ZNRF1: variants seen among roughly 807,000 people sequenced by gnomAD.
ZNRF1 encodes the protein zinc and ring finger 1, also known as E3 ubiquitin-protein ligase ZNRF1.
A neutral mutation model predicts 18.4 loss-of-function variants in ZNRF1; 3 were observed. That is an observed-to-expected ratio of 0.16 (90% CI 0.07 to 0.42). The LOEUF is 0.42. ZNRF1 is among the 10% of genes least tolerant of loss of function. The pLI is 0.99. For missense variants in ZNRF1, 310 were observed against 329.8 expected, an observed-to-expected ratio of 0.94 and a Z score of 0.47; for synonymous variants, 157 against 144.2, an observed-to-expected ratio of 1.09 and a Z score of -0.64.
chr16:75,000,762 C>G (rs993641978), intron 1 of ZNRF1, among the ~76,000 whole-genome samples: 3 of 152,210 alleles, frequency 2.0e-5, no homozygotes, highest in Admixed American at 6.5e-5. Context: ...AGGCTTGGCT[C>G]CGCGACTCTC....
intron 1 of ZNRF1, among the ~76,000 whole-genome samples, chr16:75,046,345 G>T (rs1489775821): frequency 6.6e-6 from 1 of 151,940 alleles, no homozygotes; most frequent in African/African-American, 2.4e-5. Flanking sequence ...TCTGCCTCCT[G>T]GGTTCAAGTG....
In ZNRF1 at chr16:74,999,042, A is replaced by T. The variant is rs1451720423; in HGVS notation, c.-630A>T. The T allele has an allele frequency of 6.6e-6, 1 of 150,604 alleles. No individual in the cohort carries two copies. Among genetic ancestry groups the T allele is most frequent in the African/African-American group, 2.4e-5 (1 of 41,130 alleles). The allele number at this position is 150,604 out of a possible 1,614,324, so 9.3% of individuals were successfully genotyped here. Reference sequence around the variant, plus strand: ...GCCCTCCATTGTCTCCACGGCGGCGAGGAGCGCCGGCGAGCGCAGCCCGGG... The same window carrying T: ...GCCCTCCATTGTCTCCACGGCGGCGTGGAGCGCCGGCGAGCGCAGCCCGGG... On this transcript the variant is annotated 5_prime_UTR_variant, in exon 1 of 5. Transcript: ENST00000335325.
chr16:75,086,688 C>G (rs754423781), intron 1 of ZNRF1, among the ~76,000 whole-genome samples: 8 of 152,204 alleles, frequency 5.3e-5, no homozygotes, highest in Non-Finnish European at 1.2e-4. Flanking sequence ...TTTATTGACA[C>G]TAAGCACCAT....
rs1334552920 is a variant in ZNRF1, at chr16:75,010,701, G to GTTTTT, written c.424+10611_424+10615dup. 5.1e-3 allele frequency among the ~76,000 whole-genome samples: 325 copies of GTTTTT among 63,730 alleles called. 4 individuals are homozygous for GTTTTT. The highest frequency in any genetic ancestry group is 0.026 in the Middle Eastern group (2 of 78). The allele number at this position is 63,730 out of a possible 152,430, so 41.8% of individuals were successfully genotyped here. ...AAATTAGTCACCTCTGTACTGTACT[G>GTTTTT]TTTTTTTTTGTTTTTTTGTTTTTTT... On this transcript the variant is annotated intron_variant, in intron 1 of 4. Transcript: ENST00000335325.
At chr16:75,106,047 TGTGGCACCCAGAGCC>T (rs1869816420) in intron 3 of ZNRF1, 1 of 169,648 alleles carries the variant, frequency 5.9e-6, no homozygotes, top group Non-Finnish European at 1.3e-5. Context: ...CTTTCAGGAC[TGTGGCACCCAGAGCC>T]GTGGCCCTCC....
rs2036340834 is a variant in ZNRF1, at chr16:75,108,272, T to G, written c.*572T>G. On this transcript the variant is annotated 3_prime_UTR_variant, in exon 5 of 5. Coordinates refer to ENST00000335325, the MANE Select transcript of ZNRF1 (RefSeq NM_032268.5). ...CTGGTTTTTTGCTCTTTTCTCCCCTTGAGACCCTAATATCTTGACTTCATT... is the reference window on the plus strand; with the variant it reads ...CTGGTTTTTTGCTCTTTTCTCCCCTGGAGACCCTAATATCTTGACTTCATT... 13 of 271,790 alleles carry G rather than the reference T, an allele frequency of 4.8e-5. No individual in the cohort carries two copies. Among genetic ancestry groups the G allele is most frequent in the East Asian group, 6.8e-5 (1 of 14,636 alleles). The allele number at this position is 271,790 out of a possible 1,614,324, so 16.8% of individuals were successfully genotyped here.
chr16:75,056,557 A>G (rs1429945196), intron 1 of ZNRF1, among the ~76,000 whole-genome samples: 1 of 152,232 alleles, frequency 6.6e-6, no homozygotes. Context: ...CAGATACTGA[A>G]GTTCACAAGT....
At chr16:75,001,212 T>G (rs548393968) in intron 1 of ZNRF1, among the ~76,000 whole-genome samples, 1 of 152,318 alleles carries the variant, frequency 6.6e-6, no homozygotes, top group Non-Finnish European at 1.5e-5. Context: ...TGGAGGGTAA[T>G]ATCTGTTGGA....
intron 1 of ZNRF1, among the ~76,000 whole-genome samples, chr16:75,064,303 AAAT>A (rs947871798): frequency 6.6e-6 from 1 of 151,136 alleles, no homozygotes; most frequent in Non-Finnish European, 1.5e-5. Flanking sequence ...CCCCATCTCA[AAAT>A]AATAATAATA....
intron 1 of ZNRF1, among the ~76,000 whole-genome samples, chr16:75,046,106 G>GT (rs2035512235): frequency 6.6e-6 from 1 of 151,632 alleles, no homozygotes; most frequent in South Asian, 2.1e-4. Context: ...GTTTCACCAT[G>GT]TTAACCAGGC....
intron 1 of ZNRF1, among the ~76,000 whole-genome samples, chr16:75,090,975 T>G (rs1420071686): frequency 6.6e-6 from 1 of 152,166 alleles, no homozygotes; most frequent in Non-Finnish European, 1.5e-5. Context: ...AGTCTTGAAC[T>G]CCTGAGCTCA....
chr16:75,077,144 G>A (rs963549597), intron 1 of ZNRF1, among the ~76,000 whole-genome samples: 5 of 152,172 alleles, frequency 3.3e-5, no homozygotes, highest in African/African-American at 1.2e-4. Context: ...TGTAATCTCA[G>A]CACTTTGGGA....
intron 3 of ZNRF1, 101 bp downstream of exon 3, chr16:75,104,990 C>G: frequency 1.0e-6 from 1 of 962,460 alleles, no homozygotes; most frequent in South Asian, 1.5e-5. Flanking sequence ...GATGACCTCT[C>G]CCCCGACCTC....
chr16:75,087,281 T>C (rs1212882289), intron 1 of ZNRF1, among the ~76,000 whole-genome samples: 1 of 152,190 alleles, frequency 6.6e-6, no homozygotes, highest in Non-Finnish European at 1.5e-5. Flanking sequence ...TTGGTTCCCC[T>C]AACAGTGGGC....
chr16:75,042,699 G>C (rs745530046), intron 1 of ZNRF1, among the ~76,000 whole-genome samples: 83 of 152,082 alleles, frequency 5.5e-4, no homozygotes, highest in Non-Finnish European at 4.9e-4. Flanking sequence ...TCAAAATAAT[G>C]TTGGGTTTTG....
At chr16:75,027,497 T>C (rs2145344346) in intron 1 of ZNRF1, among the ~76,000 whole-genome samples, 1 of 152,308 alleles carries the variant, frequency 6.6e-6, no homozygotes, top group East Asian at 1.9e-4. Flanking sequence ...CTGCTGTTTA[T>C]AATATCAGTC....
intron 2 of ZNRF1, among the ~76,000 whole-genome samples, chr16:75,095,933 G>A (rs766054504): frequency 3.3e-5 from 5 of 152,178 alleles, no homozygotes. Context: ...CTTAGAGGAA[G>A]GGGAGATTGG....
intron 1 of ZNRF1, among the ~76,000 whole-genome samples, chr16:75,079,892 G>A (rs2035988738): frequency 6.6e-6 from 1 of 152,078 alleles, no homozygotes; most frequent in Non-Finnish European, 1.5e-5. Context: ...AGCCTGAGTT[G>A]ATGGTGTTTT....
chr16:75,108,828 C>A lies in ZNRF1; in HGVS notation c.*1128C>A, dbSNP rs920247312. 2.9e-6 allele frequency: 1 copy of A among 340,034 alleles called. No individual in the cohort carries two copies. The highest frequency in any genetic ancestry group is 2.1e-5 in the African/African-American group (1 of 47,460). The allele number at this position is 340,034 out of a possible 1,614,324, so 21.1% of individuals were successfully genotyped here. ...TTCCTTCAGGCTGCTACTCGGGGCT[C>A]CAGGTGTGTGAATTGGTCCTCAGAT... On this transcript the variant is annotated 3_prime_UTR_variant, in exon 5 of 5. Transcript: ENST00000335325.
Sources: allele counts gnomAD v4.1 joint callset (sites outside exome capture counted in the v4.1 genomes callset), GRCh38; gene constraint gnomAD v4.1.1; transcripts MANE v1.5; gene names NCBI Gene and HGNC (gene_info 2026-07-23, HGNC 2026-07-21).